TUB: variants seen among roughly 807,000 people sequenced by gnomAD.
The protein encoded by TUB is tubby protein homolog.
A neutral mutation model predicts 59.7 loss-of-function variants in TUB; 33 were observed. The ratio of observed to expected loss-of-function variants is 0.55; its 90% CI spans 0.42 to 0.74. The LOEUF (loss-of-function observed/expected upper bound fraction) is 0.74, where lower values mean the gene tolerates loss of function less well. TUB is among the 30% of genes least tolerant of loss of function. The pLI is 0.00. For missense variants in TUB, 659 were observed against 672.0 expected (o/e 0.98, Z 0.21); for synonymous variants, 293 against 256.4 (o/e 1.14, Z -1.36).
intron 2 of TUB, among the ~76,000 whole-genome samples, chr11:8,054,663 T>C (rs1448315289): frequency 6.6e-6 from 1 of 152,246 alleles, no homozygotes; most frequent in Non-Finnish European, 1.5e-5. Context: ...GTGTATGTGT[T>C]CCTCCATATA....
intron 2 of TUB, among the ~76,000 whole-genome samples, chr11:8,066,661 C>T (rs1045305783): frequency 7.2e-5 from 11 of 152,302 alleles, no homozygotes; most frequent in South Asian, 4.1e-4. Flanking sequence ...CTGTCGCCTG[C>T]GAGCTGGAGA....
intron 1 of TUB, 130 bp from the exon 2 acceptor site, chr11:8,089,480 T>TGCTG (rs1453979627): frequency 4.6e-6 from 5 of 1,089,072 alleles, no homozygotes; most frequent in Admixed American, 1.9e-5. Flanking sequence ...TTCTACCATG[T>TGCTG]GGGCTCACTG....
At chr11:8,087,280 T>C (rs1943686609) in intron 1 of TUB, among the ~76,000 whole-genome samples, 1 of 152,264 alleles carries the variant, frequency 6.6e-6, no homozygotes, top group South Asian at 2.1e-4. Context: ...ACTCTAGATG[T>C]GAGCGTCAGC....
chr11:8,023,876 C>T (rs373072064), intron 1 of TUB, among the ~76,000 whole-genome samples: 5 of 152,340 alleles, frequency 3.3e-5, no homozygotes, highest in African/African-American at 1.2e-4. Flanking sequence ...AAGCTTCAGT[C>T]GTTATCCTCA....
At chr11:8,081,599 G>A in intron 1 of TUB, 51 bp downstream of exon 1, 1 of 1,477,250 alleles carries the variant, frequency 6.8e-7, no homozygotes, top group Non-Finnish European at 9.0e-7. Context: ...CGGGACGTGA[G>A]CTGGCTGGGG....
chr11:8,089,756 G>C, intron 2 of TUB, 95 bp downstream of exon 2: 1 of 1,477,636 alleles, frequency 6.8e-7, no homozygotes, highest in Non-Finnish European at 9.4e-7. Context: ...GGATGATCCC[G>C]TCTGATTGGG....
At chr11:8,064,020 C>T (rs538032957) in intron 2 of TUB, among the ~76,000 whole-genome samples, 3 of 152,184 alleles carry the variant, frequency 2.0e-5, no homozygotes, top group African/African-American at 7.2e-5. Flanking sequence ...GTCATTTGTC[C>T]CACAGGGATA....
chr11:8,049,582 G>GATAGATATATAT (rs1942898492), intron 2 of TUB, among the ~76,000 whole-genome samples: 1 of 67,498 alleles, frequency 1.5e-5, no homozygotes, highest in African/African-American at 4.8e-5. Context: ...TATATATATA[G>GATAGATATATAT]ATAGATAGAT....
At chr11:8,071,655 G>C (rs1943361989) in intron 2 of TUB, among the ~76,000 whole-genome samples, 1 of 152,232 alleles carries the variant, frequency 6.6e-6, no homozygotes, top group African/African-American at 2.4e-5. Flanking sequence ...GTCTGTCAGA[G>C]CCAGGAGGAT....
At chr11:8,094,270 G>T in intron 4 of TUB, 81 bp downstream of exon 4, 1 of 1,475,052 alleles carries the variant, frequency 6.8e-7, no homozygotes, top group South Asian at 1.4e-5. Context: ...CTCCTGACTT[G>T]GAGGGGAGGG....
rs17323959 is a variant in TUB, at chr11:8,103,681, A to G, written c.*2062A>G. 0.051 allele frequency: 7,825 copies of G among 152,642 alleles called. 219 individuals are homozygous for G. The highest frequency in any genetic ancestry group is 0.066 in the African/African-American group (2,739 of 41,534). The allele number at this position is 152,642 out of a possible 1,614,324, so 9.5% of individuals were successfully genotyped here. A position where few individuals can be genotyped will look rare whatever the true frequency, so the allele number is the denominator to read the frequency against. On this transcript the variant is annotated 3_prime_UTR_variant, in exon 12 of 12. Transcript: ENST00000299506. ...ATACCATGGTGCCATCCTCCTTTCTATAGTTCCAGTTTAGCCCTTCCCTGC... is the reference window on the plus strand; with the variant it reads ...ATACCATGGTGCCATCCTCCTTTCTGTAGTTCCAGTTTAGCCCTTCCCTGC...
Position 8,082,372 on chromosome 11 carries a change from G to T in TUB, c.38+824G>T, listed in dbSNP as rs76620334. On this transcript the variant is annotated intron_variant, in intron 1 of 11. Transcript: ENST00000299506. ...TTTCCCATTTGCCTGGGAAGGGGGC[G>T]GGGAGGTGGTCTCTGGGGGGCCCCT... 2.9e-3 allele frequency among the ~76,000 whole-genome samples: 444 copies of T among 152,280 alleles called. 8 individuals are homozygous for T. In the East Asian group the frequency reaches 0.055, roughly 19 times the overall value.
At chr11:8,085,775 A>G (rs993985945) in intron 1 of TUB, among the ~76,000 whole-genome samples, 2 of 152,194 alleles carry the variant, frequency 1.3e-5, no homozygotes, top group African/African-American at 4.8e-5. Context: ...GGAGCATGTA[A>G]GGTAGAGTCT....
rs759242756 is a variant in TUB, at chr11:8,101,490, C to G, written c.1392C>G (p.Asp464Glu). Residue 464 changes from aspartate to glutamate, a missense_variant, in exon 12 of 12, where the codon GAC becomes GAG. Transcript: ENST00000299506. The part of the protein sequence containing the change: ...NFQIIHGNDP[D>E]YIVMQFGRVA... Reference sequence around the variant, plus strand: ...TGTGCCTGTGCTTGGCCCCAGCGGACTACATCGTGATGCAGTTTGGCCGGG... The same window carrying G: ...TGTGCCTGTGCTTGGCCCCAGCGGAGTACATCGTGATGCAGTTTGGCCGGG... 9 of 1,614,192 alleles carry G rather than the reference C, an allele frequency of 5.6e-6. No individual in the cohort carries two copies. The South Asian group carries it at 7.7e-5, about 14-fold the overall frequency.
At position 8,101,468 on chromosome 11, in the gene TUB, G is replaced by A. The variant is rs772545202; in HGVS notation, c.1388-18G>A. On this transcript the variant is annotated intron_variant, in intron 11 of 11. Transcript: ENST00000299506. ...CTGTCCTGTCCTTTTCTCTGTCTGT[G>A]CCTGTGCTTGGCCCCAGCGGACTAC... 4 of 1,614,008 alleles carry A rather than the reference G, an allele frequency of 2.5e-6. No homozygotes were observed. Among genetic ancestry groups the A allele is most frequent in the African/African-American group, 1.3e-5 (1 of 75,002 alleles).
At chr11:8,066,673 C>T (rs919093042) in intron 2 of TUB, among the ~76,000 whole-genome samples, 1 of 152,158 alleles carries the variant, frequency 6.6e-6, no homozygotes, top group African/African-American at 2.4e-5. Context: ...AGCTGGAGAC[C>T]TGGGGCAAGC....
chr11:8,101,977 C>T lies in TUB; in HGVS notation c.*358C>T, dbSNP rs976590362. The T allele has an allele frequency of 3.4e-5, 9 of 267,382 alleles. No homozygotes were observed. The highest frequency in any genetic ancestry group is 1.1e-3 in the Middle Eastern group (1 of 906). 16.6% of individuals were successfully genotyped at this position (267,382 alleles called of 1,614,324 possible). The stretch of plus-strand genomic sequence containing the variant: ...GAGGCATAGAGGGAGAGGAAGCACA[C>T]TGCAGGGCTGCTGTGGCCCAGTCGT... On this transcript the variant is annotated 3_prime_UTR_variant, in exon 12 of 12. Transcript: ENST00000299506.
At chr11:8,026,639 A>T (rs1189297609) in intron 1 of TUB, among the ~76,000 whole-genome samples, 1 of 152,174 alleles carries the variant, frequency 6.6e-6, no homozygotes, top group Non-Finnish European at 1.5e-5. Context: ...TATTGATGCC[A>T]ATAACAAAAA....
chr11:8,039,613 T>A (rs1460946112), intron 1 of TUB: 1 of 1,469,286 alleles, frequency 6.8e-7, no homozygotes, highest in African/African-American at 1.4e-5. Context: ...GCTGCAAGGA[T>A]GTGGAGAGTC....
Sources: allele counts gnomAD v4.1 joint callset (sites outside exome capture counted in the v4.1 genomes callset), GRCh38; gene constraint gnomAD v4.1.1; transcripts MANE v1.5; gene names NCBI Gene and HGNC (gene_info 2026-07-23, HGNC 2026-07-21).